The following ZNF705G variants were observed in gnomAD, a reference collection of about 807,000 sequenced individuals.
ZNF705G encodes the protein putative zinc finger protein 705G.
A neutral mutation model predicts 19.6 loss-of-function variants in ZNF705G; 23 were observed. That is an observed-to-expected ratio of 1.17 (90% CI 0.84 to 1.66). The LOEUF is 1.66. Among genes scored for constraint, ZNF705G ranks in the 40% most tolerant of loss-of-function variants. The pLI is 0.00. For synonymous variants in ZNF705G, 146 were observed against 117.7 expected (o/e 1.24, Z -1.56); for missense variants, 457 against 354.4 (o/e 1.29, Z -2.32).
At position 7,378,927 on chromosome 8, in the gene ZNF705G, C is replaced by T. The variant is rs1250353371; in HGVS notation, c.-72+2525G>A. ...GGAGTTAGGATGTGGATAGCTTTGG[C>T]GGGAGACAGAGGGGACATTATTCTG... On this transcript the variant is annotated intron_variant, in intron 2 of 6. Transcript: ENST00000400156. Among the ~76,000 whole-genome samples, 120 of 147,466 alleles carry T rather than the reference C, an allele frequency of 8.1e-4. 1 individual carries two copies. Among genetic ancestry groups the T allele is most frequent in the Middle Eastern group, 3.5e-3 (1 of 288 alleles).
rs1437515369 is a variant in ZNF705G at position 7,379,548 on chromosome 8, C to T, written c.-72+1904G>A. ...CTTGAAGAGGGCATGAAAGAGGGCA[C>T]TAGAATTCAGCAGCAAAGTGATGAG... On this transcript the variant is annotated intron_variant, in intron 2 of 6. Transcript: ENST00000400156. Among the ~76,000 whole-genome samples the T allele has an allele frequency of 2.0e-5, 3 of 147,042 alleles. 1 individual carries two copies. Among genetic ancestry groups the T allele is most frequent in the Admixed American group, 1.3e-4 (2 of 15,194 alleles).
intron 1 of ZNF705G, among the ~76,000 whole-genome samples, chr8:7,382,511 C>T (rs71511232): frequency 0.03 from 4,410 of 146,070 alleles, 95 homozygotes; most frequent in Middle Eastern, 0.11. Context: ...ATCAACTTTC[C>T]TTTTGGAAAT....
Position 7,357,967 on chromosome 8 carries a change from T to A in ZNF705G, c.*9A>T, listed in dbSNP as rs760606667. On this transcript the variant is annotated 3_prime_UTR_variant, in exon 7 of 7. Transcript: ENST00000400156. ...CATATGGCTTTTCTCCAGTGCGTGT[T>A]CTCTCATGTCATCTAAGGTTGGAAG... The A allele has an allele frequency of 3.1e-6, 5 of 1,609,062 alleles. No homozygotes were observed. The highest frequency in any genetic ancestry group is 3.4e-6 in the Non-Finnish European group (4 of 1,179,748).
rs1806269058 is a variant in ZNF705G, at chr8:7,356,592, C to G, written c.*1384G>C. 1 of 149,458 alleles carries G rather than the reference C, an allele frequency of 6.7e-6. No individual in the cohort carries two copies. Among genetic ancestry groups the G allele is most frequent in the Non-Finnish European group, 1.5e-5 (1 of 68,014 alleles). The allele number at this position is 149,458 out of a possible 1,614,324, so 9.3% of individuals were successfully genotyped here. On this transcript the variant is annotated 3_prime_UTR_variant, in exon 7 of 7. Transcript: ENST00000400156. ...GTGGGGCTGAAGATCCCTGGTGTGT[C>G]AACTCGAGGGTTGGATGGAAACAAG...
intron 2 of ZNF705G, among the ~76,000 whole-genome samples, chr8:7,363,769 C>A (rs540777082): frequency 1.3e-5 from 2 of 148,820 alleles, no homozygotes; most frequent in Non-Finnish European, 2.9e-5. Flanking sequence ...TACAGTGAGC[C>A]GAGATCCCAC....
At chr8:7,367,178 G>A (rs1806895050) in intron 2 of ZNF705G, among the ~76,000 whole-genome samples, 1 of 149,418 alleles carries the variant, frequency 6.7e-6, no homozygotes, top group South Asian at 2.1e-4. Flanking sequence ...TGCCTTGATG[G>A]GACAAATGTC....
chr8:7,379,055 T>C (rs1449654460), intron 2 of ZNF705G, among the ~76,000 whole-genome samples: 1 of 150,702 alleles, frequency 6.6e-6, no homozygotes, highest in Non-Finnish European at 1.5e-5. Context: ...CATAGAGTTT[T>C]CTTTTTTGTG....
At chr8:7,366,744 G>C (rs1806875038) in intron 2 of ZNF705G, among the ~76,000 whole-genome samples, 1 of 149,542 alleles carries the variant, frequency 6.7e-6, no homozygotes, top group Non-Finnish European at 1.5e-5. Flanking sequence ...ATCTGAGAAA[G>C]GAGATGAATA....
In ZNF705G at chr8:7,371,124, G is replaced by A. The variant is rs150731992; in HGVS notation, c.-71-8107C>T. On this transcript the variant is annotated intron_variant, in intron 2 of 6. Transcript: ENST00000400156. ...TAATACATATATGCAATGGAATATTGTTCAGTGTTACATAATAACGAAACC... is the reference window on the plus strand; with the variant it reads ...TAATACATATATGCAATGGAATATTATTCAGTGTTACATAATAACGAAACC... Among the ~76,000 whole-genome samples the A allele has an allele frequency of 1.7e-3, 237 of 142,370 alleles. 1 individual carries two copies. The East Asian group carries it at 0.029, about 18-fold the overall frequency. The allele number at this position is 142,370 out of a possible 152,430, so 93.4% of individuals were successfully genotyped here. A position where few individuals can be genotyped will look rare whatever the true frequency, so the allele number is the denominator to read the frequency against.
chr8:7,358,858 TC>T (rs1806427855), intron 6 of ZNF705G, among the ~76,000 whole-genome samples: 1 of 149,428 alleles, frequency 6.7e-6, no homozygotes, highest in African/African-American at 2.6e-5. Flanking sequence ...AGGAAATTCC[TC>T]ATGAGCTGTT....
chr8:7,368,840 G>C, intron 2 of ZNF705G, among the ~76,000 whole-genome samples: 1 of 149,626 alleles, frequency 6.7e-6, no homozygotes, highest in East Asian at 1.9e-4. Flanking sequence ...ACATTGTTTG[G>C]GCCACCGCTT....
intron 2 of ZNF705G, among the ~76,000 whole-genome samples, chr8:7,370,043 A>AT (rs1321297558): frequency 7.9e-5 from 7 of 88,806 alleles, no homozygotes; most frequent in Non-Finnish European, 1.4e-4. Flanking sequence ...ATAAAAGTTG[A>AT]ATTTTTTTTT....
At chr8:7,385,343 T>C (rs544136967) in intron 1 of ZNF705G, among the ~76,000 whole-genome samples, 155 bp downstream of exon 1, 43 of 148,250 alleles carry the variant, frequency 2.9e-4, no homozygotes, top group African/African-American at 1.1e-3. Flanking sequence ...ATAATACTAC[T>C]GATAATAATA....
chr8:7,368,238 C>A lies in ZNF705G; in HGVS notation c.-71-5221G>T, dbSNP rs1362054427. On this transcript the variant is annotated intron_variant, in intron 2 of 6. Transcript: ENST00000400156. Reference sequence around the variant, plus strand: ...GGATTTTTGAGACTACTACTAAAAACCCTCACATAAAGTTGGAAACCAAAG... The same window carrying A: ...GGATTTTTGAGACTACTACTAAAAAACCTCACATAAAGTTGGAAACCAAAG... Among the ~76,000 whole-genome samples, 27 of 149,548 alleles carry A rather than the reference C, an allele frequency of 1.8e-4. 1 individual carries two copies. Among genetic ancestry groups the A allele is most frequent in the Admixed American group, 5.9e-4 (9 of 15,208 alleles).
chr8:7,362,586 A>G (rs1806652869), intron 3 of ZNF705G, among the ~76,000 whole-genome samples: 1 of 149,720 alleles, frequency 6.7e-6, no homozygotes, highest in Non-Finnish European at 1.5e-5. Flanking sequence ...AGATTATAGG[A>G]TGGATAGAAG....
At chr8:7,368,465 T>A (rs188044965) in intron 2 of ZNF705G, among the ~76,000 whole-genome samples, 2 of 149,264 alleles carry the variant, frequency 1.3e-5, no homozygotes, top group Non-Finnish European at 2.9e-5. Flanking sequence ...GGAAGGCGAA[T>A]AGATATAAAA....
At chr8:7,379,300 A>G (rs1267430490) in intron 2 of ZNF705G, among the ~76,000 whole-genome samples, 7 of 147,492 alleles carry the variant, frequency 4.7e-5, no homozygotes, top group Non-Finnish European at 1.0e-4. Flanking sequence ...AGTTTTCCTC[A>G]GTGCACTCTT....
rs559158358 is a variant in ZNF705G, at chr8:7,382,687, C to G, written c.-221-1086G>C. 2.4e-4 allele frequency among the ~76,000 whole-genome samples: 35 copies of G among 146,748 alleles called. 3 individuals carry two copies. The highest frequency in any genetic ancestry group is 9.1e-4 in the African/African-American group (33 of 36,260). ...TTTCTGTCAACTGCCTCTTTCCACA[C>G]ATCTATGGATTAAATTAACCAACAT... On this transcript the variant is annotated intron_variant, in intron 1 of 6. Coordinates refer to ENST00000400156, the MANE Select transcript of ZNF705G (RefSeq NM_001164457.3).
intron 5 of ZNF705G, among the ~76,000 whole-genome samples, 157 bp from the exon 6 acceptor site, chr8:7,359,858 A>T (rs1806492510): frequency 6.7e-6 from 1 of 149,730 alleles, no homozygotes; most frequent in Admixed American, 6.6e-5. Context: ...TAGATTGTAC[A>T]GTGTCAGCAA....
Sources: allele counts gnomAD v4.1 joint callset (sites outside exome capture counted in the v4.1 genomes callset), GRCh38; gene constraint gnomAD v4.1.1; transcripts MANE v1.5; gene names NCBI Gene and HGNC (gene_info 2026-07-23, HGNC 2026-07-21).